Variants in CEP128 observed in about 807,000 individuals in gnomAD.
CEP128 encodes centrosomal protein 128kDa.
Under a neutral mutation model 156.7 loss-of-function variants are expected in CEP128, and 132 were observed. The ratio of observed to expected loss-of-function variants is 0.84; its 90% CI spans 0.73 to 0.97. The LOEUF (loss-of-function observed/expected upper bound fraction) is 0.97. CEP128 is among the 50% of genes least tolerant of loss of function. CEP128 has a pLI of 0.00. For missense variants in CEP128, 1,252 were observed against 1,281.9 expected (o/e 0.98, Z 0.36); for synonymous variants, 469 against 448.9 (o/e 1.04, Z -0.57).
intron 9 of CEP128, among the ~76,000 whole-genome samples, chr14:80,857,331 G>A (rs566439983): frequency 1.3e-5 from 2 of 150,592 alleles, no homozygotes; most frequent in African/African-American, 4.9e-5. Context: ...CCAAAGTTAT[G>A]ATACTATCAA....
At chr14:80,660,748 A>G (rs936315645) in intron 19 of CEP128, among the ~76,000 whole-genome samples, 3 of 152,196 alleles carry the variant, frequency 2.0e-5, no homozygotes, top group African/African-American at 7.2e-5. Context: ...TAGAAATGTT[A>G]CTAATATGTA....
intron 8 of CEP128, among the ~76,000 whole-genome samples, chr14:80,890,112 A>G (rs1010094321): frequency 6.6e-6 from 1 of 152,086 alleles, no homozygotes; most frequent in Admixed American, 6.6e-5. Context: ...GTGATCATTA[A>G]AAGGTCAGGA....
intron 9 of CEP128, among the ~76,000 whole-genome samples, chr14:80,857,533 G>T (rs1019215453): frequency 6.6e-6 from 1 of 151,846 alleles, no homozygotes; most frequent in African/African-American, 2.4e-5. Flanking sequence ...AGGAGTTTAA[G>T]ACCAGCCTGG....
chr14:80,663,244 G>A (rs1566842001), intron 19 of CEP128, among the ~76,000 whole-genome samples: 1 of 152,082 alleles, frequency 6.6e-6, no homozygotes, highest in South Asian at 2.1e-4. Context: ...CTGTTTAAAG[G>A]TAATTCATGT....
upstream of CEP128, among the ~76,000 whole-genome samples, chr14:80,943,734 C>T (rs1036584860): frequency 6.6e-6 from 1 of 152,182 alleles, no homozygotes; most frequent in African/African-American, 2.4e-5. Context: ...TGACTCAAGC[C>T]TGTAATCCCA....
chr14:80,897,212 T>C (rs1319500520), intron 7 of CEP128, among the ~76,000 whole-genome samples: 6 of 152,330 alleles, frequency 3.9e-5, no homozygotes, highest in South Asian at 2.1e-4. Flanking sequence ...TTGGCTTTTG[T>C]GGTTCTATGC....
At chr14:80,529,004 A>G (rs1889105032) in intron 22 of CEP128, among the ~76,000 whole-genome samples, 2 of 152,232 alleles carry the variant, frequency 1.3e-5, no homozygotes, top group Non-Finnish European at 2.9e-5. Context: ...TTTAGAGTAC[A>G]TGTAGAACGG....
intron 19 of CEP128, among the ~76,000 whole-genome samples, chr14:80,710,970 G>C (rs1217233758): frequency 6.6e-6 from 1 of 152,130 alleles, no homozygotes; most frequent in Non-Finnish European, 1.5e-5. Flanking sequence ...GAACATTAAA[G>C]TAAATCTTGA....
At chr14:80,942,337 G>C (rs1886202431), upstream of CEP128, 1 of 152,160 alleles carries the variant, frequency 6.6e-6, no homozygotes, top group South Asian at 2.1e-4. Context: ...GAGGCTGTCA[G>C]CTCATTACTG....
intron 16 of CEP128, among the ~76,000 whole-genome samples, chr14:80,764,255 T>C (rs1900120078): frequency 6.6e-6 from 1 of 152,024 alleles, no homozygotes; most frequent in African/African-American, 2.4e-5. Context: ...TCCCAGCACT[T>C]TGGGAGGCCG....
At chr14:80,770,323 A>G (rs892188135) in intron 16 of CEP128, among the ~76,000 whole-genome samples, 1 of 152,300 alleles carries the variant, frequency 6.6e-6, no homozygotes, top group East Asian at 1.9e-4. Flanking sequence ...CTAATTCAGA[A>G]AGTAGAAACC....
At chr14:80,669,457 C>T (rs1895753095) in intron 19 of CEP128, among the ~76,000 whole-genome samples, 1 of 151,720 alleles carries the variant, frequency 6.6e-6, no homozygotes, top group Admixed American at 6.6e-5. Context: ...AGTCAAACAG[C>T]TCAACAGAAG....
rs545354547 is a variant in CEP128 at position 80,501,662 on chromosome 14, G to A, written c.3181+3250C>T. On this transcript the variant is annotated intron_variant, in intron 24 of 24. Transcript: ENST00000555265. The stretch of plus-strand genomic sequence containing the variant: ...TGGGACTACAGGCACCCGCCACCAC[G>A]CCTGGCTTATTTTTTGTGTTTTTAG... 1.6e-4 allele frequency among the ~76,000 whole-genome samples: 24 copies of A among 151,786 alleles called. No individual in the cohort carries two copies. The East Asian group carries it at 1.8e-3, about 11-fold the overall frequency.
intron 19 of CEP128, among the ~76,000 whole-genome samples, chr14:80,591,357 T>C (rs1392053928): frequency 2.6e-5 from 4 of 151,526 alleles, no homozygotes; most frequent in South Asian, 2.1e-4. Context: ...GGGGTTGCAA[T>C]CCTAGTCTCT....
In CEP128 at chr14:80,718,080, G is replaced by A. The variant is rs558054044; in HGVS notation, c.2806+24995C>T. Among the ~76,000 whole-genome samples the A allele has an allele frequency of 2.6e-5, 4 of 152,214 alleles. No individual in the cohort carries two copies. In the South Asian group the frequency reaches 8.3e-4, roughly 32 times the overall value. Reference sequence around the variant, plus strand: ...TGAAGAGATGAAGTTTTTCCATGTTGCCAAGGCTGGTGATCCTCATTTTCA... The same window carrying A: ...TGAAGAGATGAAGTTTTTCCATGTTACCAAGGCTGGTGATCCTCATTTTCA... On this transcript the variant is annotated intron_variant, in intron 19 of 24. Coordinates refer to ENST00000555265, the MANE Select transcript of CEP128 (RefSeq NM_152446.5).
chr14:80,698,203 G>A (rs912999703), intron 19 of CEP128, among the ~76,000 whole-genome samples: 1 of 152,108 alleles, frequency 6.6e-6, no homozygotes, highest in Admixed American at 6.6e-5. Context: ...ACCTCTGAGA[G>A]TTAGTGAGAG....
chr14:80,758,704 A>T (rs1281425475), intron 17 of CEP128, among the ~76,000 whole-genome samples: 1 of 152,178 alleles, frequency 6.6e-6, no homozygotes, highest in South Asian at 2.1e-4. Flanking sequence ...AAGAGAAGCC[A>T]TATGTATTTG....
intron 2 of CEP128, among the ~76,000 whole-genome samples, chr14:80,957,407 A>T (rs1271755825): frequency 1.3e-5 from 2 of 152,124 alleles, no homozygotes; most frequent in African/African-American, 4.8e-5. Flanking sequence ...TAACATAGGG[A>T]ACTGCCATTC....
At chr14:80,926,765 G>A (rs1438144284) in intron 2 of CEP128, among the ~76,000 whole-genome samples, 1 of 152,178 alleles carries the variant, frequency 6.6e-6, no homozygotes, top group Non-Finnish European at 1.5e-5. Flanking sequence ...AATATCTGCA[G>A]GCACATCACA....
Sources: allele counts gnomAD v4.1 joint callset (sites outside exome capture counted in the v4.1 genomes callset), GRCh38; gene constraint gnomAD v4.1.1; transcripts MANE v1.5; gene names NCBI Gene and HGNC (gene_info 2026-07-23, HGNC 2026-07-21).